The following STXBP6 variants were observed in gnomAD, a reference collection of about 807,000 sequenced individuals.
The protein encoded by STXBP6 is syntaxin-binding protein 6.
In STXBP6, 21 loss-of-function variants were observed where a neutral mutation model predicts 26.9. The observed-to-expected ratio is 0.78, with a 90% confidence interval of 0.55 to 1.12. The LOEUF (loss-of-function observed/expected upper bound fraction) is 1.12, where lower values mean the gene tolerates loss of function less well. Among genes scored for constraint, STXBP6 ranks in the 50% most tolerant of loss-of-function variants. The pLI is 0.00. For synonymous variants in STXBP6, 97 were observed against 92.6 expected (o/e 1.05, Z -0.27); for missense variants, 232 against 257.9 (o/e 0.90, Z 0.69).
chr14:24,825,652 A>G (rs1004372858), intron 4 of STXBP6, among the ~76,000 whole-genome samples: 2 of 152,190 alleles, frequency 1.3e-5, no homozygotes, highest in Admixed American at 6.5e-5. Context: ...AGTCACAAGC[A>G]TGTCTGCCCC....
rs1334553294 is a variant in STXBP6, at chr14:24,811,053, T to G, written c.*1656A>C. The G allele has an allele frequency of 1.3e-5, 2 of 152,148 alleles. No individual in the cohort carries two copies. Among genetic ancestry groups the G allele is most frequent in the African/African-American group, 4.8e-5 (2 of 41,428 alleles). The allele number at this position is 152,148 out of a possible 1,614,324, so 9.4% of individuals were successfully genotyped here. A position where few individuals can be genotyped will look rare whatever the true frequency, so the allele number is the denominator to read the frequency against. On this transcript the variant is annotated 3_prime_UTR_variant, in exon 6 of 6. Coordinates refer to ENST00000323944, the MANE Select transcript of STXBP6 (RefSeq NM_001394410.1). ...ACACCAAAAAGAAAGTATAAAATAT[T>G]ATAGTTAACTTATACAGTTTATTAA...
chr14:24,904,925 C>T (rs2071336447), intron 2 of STXBP6, among the ~76,000 whole-genome samples: 1 of 152,156 alleles, frequency 6.6e-6, no homozygotes, highest in Admixed American at 6.5e-5. Context: ...AAATTACCAT[C>T]TCATTCAAAT....
chr14:24,980,701 C>T (rs1566531718), intron 1 of STXBP6, among the ~76,000 whole-genome samples: 1 of 152,162 alleles, frequency 6.6e-6, no homozygotes, highest in Non-Finnish European at 1.5e-5. Flanking sequence ...TAAGGCTTCA[C>T]AAGCTTTACA....
At chr14:24,937,470 C>T (rs370647733) in intron 2 of STXBP6, among the ~76,000 whole-genome samples, 2 of 152,184 alleles carry the variant, frequency 1.3e-5, no homozygotes, top group East Asian at 1.9e-4. Context: ...TTACACTCAA[C>T]CTGTCTTAAC....
chr14:24,903,652 A>G (rs1240399084), intron 2 of STXBP6, among the ~76,000 whole-genome samples: 2 of 152,228 alleles, frequency 1.3e-5, no homozygotes, highest in Non-Finnish European at 2.9e-5. Context: ...TTGTCAAAAA[A>G]TAATCTACAA....
intron 1 of STXBP6, among the ~76,000 whole-genome samples, chr14:24,980,925 G>C (rs1405750495): frequency 3.9e-5 from 6 of 152,174 alleles, no homozygotes; most frequent in Non-Finnish European, 5.9e-5. Context: ...GGGTGCCCAG[G>C]TCCTGCTCAC....
At chr14:24,830,996 A>G (rs1444231892) in intron 4 of STXBP6, among the ~76,000 whole-genome samples, 3 of 152,186 alleles carry the variant, frequency 2.0e-5, no homozygotes, top group African/African-American at 7.2e-5. Flanking sequence ...TGGGACAACT[A>G]ACTGCATATC....
At chr14:24,820,863 A>G (rs888064603) in intron 4 of STXBP6, among the ~76,000 whole-genome samples, 2 of 152,150 alleles carry the variant, frequency 1.3e-5, no homozygotes, top group Non-Finnish European at 2.9e-5. Flanking sequence ...ACTTTTCCTT[A>G]TTCTCTACCT....
At position 24,925,436 on chromosome 14, in the gene STXBP6, T is replaced by C. The variant is rs199602580; in HGVS notation, c.154+49229A>G. Reference sequence around the variant, plus strand: ...AGAGGCAAAACAACTAAAATAACAATGCCAGAAAATACCCTATGAGATAAT... The same window carrying C: ...AGAGGCAAAACAACTAAAATAACAACGCCAGAAAATACCCTATGAGATAAT... On this transcript the variant is annotated intron_variant, in intron 2 of 5. Coordinates refer to ENST00000323944, the MANE Select transcript of STXBP6 (RefSeq NM_001394410.1). Among the ~76,000 whole-genome samples, 6 of 152,136 alleles carry C rather than the reference T, an allele frequency of 3.9e-5. No individual in the cohort carries two copies. The East Asian group carries it at 9.6e-4, about 24-fold the overall frequency.
rs939769751 is a variant in STXBP6, at chr14:25,010,987, A to G, written c.-32-36137T>C. Among the ~76,000 whole-genome samples, 8 of 151,092 alleles carry G rather than the reference A, an allele frequency of 5.3e-5. No individual in the cohort carries two copies. In the South Asian group the frequency reaches 1.5e-3, roughly 27 times the overall value. Reference sequence around the variant, plus strand: ...TGCTGGAAAAGCCCATGAAAATGACAGTCTAAATATAGAAATCTAAATGCA... The same window carrying G: ...TGCTGGAAAAGCCCATGAAAATGACGGTCTAAATATAGAAATCTAAATGCA... On this transcript the variant is annotated intron_variant, in intron 1 of 5. Coordinates refer to ENST00000323944, the MANE Select transcript of STXBP6 (RefSeq NM_001394410.1).
chr14:24,877,661 G>C (rs1470434222), intron 2 of STXBP6, among the ~76,000 whole-genome samples: 1 of 152,074 alleles, frequency 6.6e-6, no homozygotes, highest in East Asian at 1.9e-4. Flanking sequence ...GATGAAACAT[G>C]AACTACTTAA....
chr14:24,999,021 C>T (rs1485321369), intron 1 of STXBP6, among the ~76,000 whole-genome samples: 1 of 152,146 alleles, frequency 6.6e-6, no homozygotes, highest in Non-Finnish European at 1.5e-5. Context: ...TATATACATA[C>T]ATTTTTATAA....
intron 1 of STXBP6, among the ~76,000 whole-genome samples, chr14:25,006,182 C>T (rs377422173): frequency 6.6e-6 from 1 of 152,220 alleles, no homozygotes; most frequent in Admixed American, 6.5e-5. Flanking sequence ...ACTAGGGATT[C>T]AAGCTGATGG....
intron 1 of STXBP6, among the ~76,000 whole-genome samples, chr14:25,019,873 T>G (rs1234940760): frequency 1.3e-5 from 2 of 151,506 alleles, no homozygotes; most frequent in South Asian, 2.1e-4. Flanking sequence ...CGTGGGTTTT[T>G]TTTTTTTTTT....
chr14:24,857,584 C>T (rs371044329), intron 2 of STXBP6, among the ~76,000 whole-genome samples: 2 of 151,924 alleles, frequency 1.3e-5, no homozygotes, highest in South Asian at 4.2e-4. Context: ...AATTGGCTCC[C>T]CTAGAGAACT....
chr14:24,856,949 C>G, intron 3 of STXBP6, 78 bp downstream of exon 3: 1 of 1,509,338 alleles, frequency 6.6e-7, no homozygotes, highest in Non-Finnish European at 8.9e-7. Flanking sequence ...TTCAAACCAC[C>G]ACTACCACTA....
intron 5 of STXBP6, 106 bp downstream of exon 5, chr14:24,818,931 C>A: frequency 7.1e-7 from 1 of 1,417,578 alleles, no homozygotes; most frequent in Non-Finnish European, 9.4e-7. Context: ...GGGGAAATAG[C>A]TTAATTTTAT....
chr14:24,987,727 C>A (rs148069396), intron 1 of STXBP6, among the ~76,000 whole-genome samples: 21 of 152,336 alleles, frequency 1.4e-4, no homozygotes, highest in African/African-American at 5.1e-4. Context: ...CCAGCCTAAG[C>A]AGGAAGATAA....
At chr14:24,909,444 T>C (rs1444493186) in intron 2 of STXBP6, among the ~76,000 whole-genome samples, 1 of 152,152 alleles carries the variant, frequency 6.6e-6, no homozygotes, top group East Asian at 1.9e-4. Context: ...AATTATAAAG[T>C]AAGACTAAAG....
Sources: gnomAD v4.1 joint callset for allele counts (sites outside exome capture counted in the v4.1 genomes callset) on GRCh38, gnomAD v4.1.1 for gene constraint, MANE v1.5 for transcripts, NCBI Gene and HGNC (gene_info 2026-07-23, HGNC 2026-07-21) for gene names.